ADGRV1: variants seen among roughly 807,000 people sequenced by gnomAD.
ADGRV1 encodes adhesion G protein-coupled receptor V1, also known as G-protein coupled receptor 98.
Under a neutral mutation model 596.2 loss-of-function variants are expected in ADGRV1, and 359 were observed. The ratio of observed to expected loss-of-function variants is 0.60; its 90% confidence interval spans 0.55 to 0.66. ADGRV1 has a LOEUF of 0.66. Among genes scored for constraint, ADGRV1 ranks in the 30% least tolerant of loss-of-function variants. The probability of loss-of-function intolerance (pLI) is 0.00; values close to 1 mark genes in which losing one functional copy is unlikely to be tolerated. For missense variants in ADGRV1, 7,274 were observed against 7,575.6 expected, an observed-to-expected ratio of 0.96 and a Z score of 1.48; for synonymous variants, 2,681 against 2,679.2, an observed-to-expected ratio of 1.00 and a Z score of -0.02.
chr5:90,579,339 A>G (rs966233541), intron 1 of ADGRV1, among the ~76,000 whole-genome samples: 1 of 152,132 alleles, frequency 6.6e-6, no homozygotes, highest in African/African-American at 2.4e-5. Context: ...GAACATCTTT[A>G]TTTCTGCCTT....
intron 86 of ADGRV1, among the ~76,000 whole-genome samples, chr5:91,095,791 AT>A (rs201815530): frequency 1.4e-4 from 21 of 150,304 alleles, no homozygotes; most frequent in African/African-American, 4.1e-4. Context: ...TTTTATTTAA[AT>A]TTTTTTTTTG....
At chr5:90,862,468 G>A (rs1398378525) in intron 82 of ADGRV1, among the ~76,000 whole-genome samples, 1 of 151,870 alleles carries the variant, frequency 6.6e-6, no homozygotes, top group Non-Finnish European at 1.5e-5. Flanking sequence ...ATCATCCTAG[G>A]GAATTCAAAG....
chr5:90,943,869 A>C (rs1263162564), intron 83 of ADGRV1, among the ~76,000 whole-genome samples: 2 of 151,992 alleles, frequency 1.3e-5, no homozygotes, highest in East Asian at 3.9e-4. Context: ...CTTCTGCAAG[A>C]CCTCATTTTA....
At chr5:90,809,102 A>G (rs1424794117) in intron 73 of ADGRV1, among the ~76,000 whole-genome samples, 1 of 151,640 alleles carries the variant, frequency 6.6e-6, no homozygotes, top group African/African-American at 2.4e-5. Flanking sequence ...GACGACAGGC[A>G]CCTGCCACCG....
intron 24 of ADGRV1, 104 bp downstream of exon 24, chr5:90,675,549 C>T: frequency 8.8e-7 from 1 of 1,139,044 alleles, no homozygotes; most frequent in Non-Finnish European, 1.3e-6. Context: ...TGACTCACGC[C>T]TGTAATCCTA....
Position 90,791,192 on chromosome 5 carries a change from C to G in ADGRV1, c.14363C>G (p.Thr4788Ser), listed in dbSNP as rs1194443703. The G allele has an allele frequency of 6.2e-7, 1 of 1,613,808 alleles. No homozygotes were observed. Among genetic ancestry groups the G allele is most frequent in the African/African-American group, 1.3e-5 (1 of 74,912 alleles). ...NLIRSIQINI[T>S]RLAGTFGDVA... is the part of the protein sequence containing the mutation. ...ATTAGATCCATCCAAATTAACATAA[C>G]CCGGCTTGCTGGAACATTTGGAGAT... The change falls in exon 70 of 90, where the codon ACC becomes AGC. Residue 4788 changes from threonine (T) to serine (S), a missense_variant. By Grantham distance (58) the Thr-to-Ser change is moderately conservative. Coordinates refer to ENST00000405460, the MANE Select transcript of ADGRV1 (RefSeq NM_032119.4).
chr5:90,975,965 CTTCTG>C (rs753985476), intron 84 of ADGRV1, among the ~76,000 whole-genome samples: 40 of 151,836 alleles, frequency 2.6e-4, no homozygotes, highest in Non-Finnish European at 1.8e-4. Context: ...GTTTTTCCTT[CTTCTG>C]TTCTGATTTG....
At chr5:91,041,669 G>A (rs945268235) in intron 85 of ADGRV1, among the ~76,000 whole-genome samples, 5 of 150,888 alleles carry the variant, frequency 3.3e-5, no homozygotes, top group South Asian at 2.1e-4. Flanking sequence ...AGAGACTTGC[G>A]CAATTTGAAA....
chr5:90,745,182 C>A lies in ADGRV1; in HGVS notation c.10686C>A (p.Ser3562Arg), dbSNP rs1754471525. Residue 3562 changes from serine to arginine, a missense_variant, in exon 51 of 90, where the codon AGC becomes AGA. Physicochemically the swap from Ser to Arg is moderately radical, Grantham distance 110 (BLOSUM62 -1). Coordinates refer to ENST00000405460, the MANE Select transcript of ADGRV1 (RefSeq NM_032119.4). ...ASVTVKSLNS[S>R]KNLIALVGAH... Reference sequence around the variant, plus strand: ...TTACAGTAAAGTCCCTTAATTCAAGCAAGAATTTAATAGCTCTAGTGGGAG... The same window carrying A: ...TTACAGTAAAGTCCCTTAATTCAAGAAAGAATTTAATAGCTCTAGTGGGAG... 1 of 1,613,226 alleles carries A rather than the reference C, an allele frequency of 6.2e-7. No individual in the cohort carries two copies.
At chr5:91,021,257 T>G (rs762110294) in intron 85 of ADGRV1, among the ~76,000 whole-genome samples, 48 of 152,110 alleles carry the variant, frequency 3.2e-4, no homozygotes, top group Non-Finnish European at 5.1e-4. Context: ...TGAAGAGCTA[T>G]AATGTAAAAT....
rs369536913 is a variant in ADGRV1 at position 90,644,752 on chromosome 5, T to C, written c.2781T>C (p.Ser927=). 66 of 1,611,528 alleles carry C rather than the reference T, an allele frequency of 4.1e-5. No homozygotes were observed. In the African/African-American group the frequency reaches 8.4e-4, roughly 21 times the overall value. Residue 927 remains serine, a synonymous_variant, in exon 15 of 90, where the codon AGT becomes AGC. Transcript: ENST00000405460. ...ATCGAGGCAACTTTGGTGATGTTAG[T>C]GTATCATGGGTGGTTAGTCCAGACT... The part of the protein sequence containing the change: ...VRNRGNFGDV[S]VSWVVSPDFT...
chr5:90,915,110 T>A (rs1581498249), intron 83 of ADGRV1, among the ~76,000 whole-genome samples: 2 of 152,316 alleles, frequency 1.3e-5, no homozygotes, highest in Middle Eastern at 3.4e-3. Context: ...CATAAACTTT[T>A]AAAAAATGTT....
At chr5:91,046,349 C>T (rs898460391) in intron 85 of ADGRV1, among the ~76,000 whole-genome samples, 3 of 151,964 alleles carry the variant, frequency 2.0e-5, no homozygotes, top group Non-Finnish European at 4.4e-5. Flanking sequence ...AATAGAGAAC[C>T]TAGAAATAAA....
intron 86 of ADGRV1, among the ~76,000 whole-genome samples, chr5:91,086,060 A>T (rs151250601): frequency 2.0e-5 from 3 of 152,288 alleles, no homozygotes; most frequent in Non-Finnish European, 4.4e-5. Flanking sequence ...CTTCCTTGAA[A>T]AGTCCATCTC....
chr5:91,065,619 A>G (rs978454330), intron 85 of ADGRV1, among the ~76,000 whole-genome samples: 3 of 152,184 alleles, frequency 2.0e-5, no homozygotes, highest in African/African-American at 4.8e-5. Context: ...CTTCTTACGA[A>G]TATTTCAGAC....
At chr5:90,569,415 T>TC (rs1554048622) in intron 1 of ADGRV1, among the ~76,000 whole-genome samples, 9 of 105,616 alleles carry the variant, frequency 8.5e-5, no homozygotes, top group African/African-American at 3.2e-4. Context: ...TTTTTTTTTT[T>TC]CTCATTCTTA....
In ADGRV1 at chr5:90,840,886, T is replaced by C; in HGVS notation, c.16920T>C (p.Asn5640=). 1 of 1,602,042 alleles carries C rather than the reference T, an allele frequency of 6.2e-7. No individual in the cohort carries two copies. The highest frequency in any genetic ancestry group is 8.5e-7 in the Non-Finnish European group (1 of 1,172,876). ...CAGATCAGCTACATCAGCCTGTGAA[T>C]GATGATATTCTCAACAGAGTGCTCC... ...GLADQLHQPV[N]DDILNRVLHT... Residue 5640 remains asparagine (N), a synonymous_variant, in exon 78 of 90, where the codon AAT becomes AAC. Coordinates refer to ENST00000405460, the MANE Select transcript of ADGRV1 (RefSeq NM_032119.4).
At chr5:90,986,179 C>A (rs184073086) in intron 85 of ADGRV1, among the ~76,000 whole-genome samples, 1 of 150,138 alleles carries the variant, frequency 6.7e-6, no homozygotes, top group African/African-American at 2.4e-5. Context: ...CACTGAGCCC[C>A]TCTTAATAGC....
chr5:90,883,947 A>C (rs1770037648), intron 83 of ADGRV1, among the ~76,000 whole-genome samples: 1 of 152,108 alleles, frequency 6.6e-6, no homozygotes, highest in African/African-American at 2.4e-5. Context: ...TTTGTGCATC[A>C]TCCATAGCAT....
Sources: allele counts gnomAD v4.1 joint callset (sites outside exome capture counted in the v4.1 genomes callset), GRCh38; gene constraint gnomAD v4.1.1; transcripts MANE v1.5; gene names NCBI Gene and HGNC (gene_info 2026-07-23, HGNC 2026-07-21).